The following PRKCB variants were observed in gnomAD, a reference collection of about 807,000 sequenced individuals.
PRKCB encodes protein kinase C beta type.
A neutral mutation model predicts 81.5 loss-of-function variants in PRKCB; 13 were observed. The ratio of observed to expected loss-of-function variants is 0.16; its 90% CI spans 0.10 to 0.25. PRKCB has a LOEUF of 0.25. Ranked by LOEUF, PRKCB falls within the 10% of genes least tolerant of loss-of-function variation. PRKCB has a pLI of 1.00. For synonymous variants in PRKCB, 335 were observed against 321.4 expected (o/e 1.04, Z -0.45); for missense variants, 509 against 875.7 (o/e 0.58, Z 5.29).
At chr16:24,063,514 C>T (rs1323052612) in intron 5 of PRKCB, among the ~76,000 whole-genome samples, 1 of 152,062 alleles carries the variant, frequency 6.6e-6, no homozygotes, top group Non-Finnish European at 1.5e-5. Context: ...AGGCTGGCCT[C>T]GAACTCCTGA....
intron 3 of PRKCB, among the ~76,000 whole-genome samples, chr16:23,998,169 G>A (rs945671625): frequency 2.0e-5 from 3 of 152,092 alleles, no homozygotes; most frequent in Non-Finnish European, 4.4e-5. Context: ...TTTGGGTGTT[G>A]GTGCTCCAGG....
rs111697023 is a variant in PRKCB at position 24,131,405 on chromosome 16, C to A, written c.1065+7424C>A. 7.1e-3 allele frequency among the ~76,000 whole-genome samples: 1,087 copies of A among 152,298 alleles called. 8 individuals are homozygous for A. Among genetic ancestry groups the A allele is most frequent in the African/African-American group, 0.024 (1,012 of 41,566 alleles). On this transcript the variant is annotated intron_variant, in intron 9 of 16. Coordinates refer to ENST00000643927, the MANE Select transcript of PRKCB (RefSeq NM_002738.7). Reference sequence around the variant, plus strand: ...GAGGCTGTGGAGGGTCTGGTGGTGGCCCCTTCCACTAGGGTACCCCTAGAA... The same window carrying A: ...GAGGCTGTGGAGGGTCTGGTGGTGGACCCTTCCACTAGGGTACCCCTAGAA...
At chr16:23,858,698 G>C (rs1962614852) in intron 2 of PRKCB, among the ~76,000 whole-genome samples, 1 of 152,190 alleles carries the variant, frequency 6.6e-6, no homozygotes, top group African/African-American at 2.4e-5. Context: ...TTACCAGGCT[G>C]GGAGGACAGG....
chr16:24,028,900 C>T (rs60662832), intron 3 of PRKCB, among the ~76,000 whole-genome samples: 21,009 of 152,072 alleles, frequency 0.14, 2,178 homozygotes, highest in South Asian at 0.37. Flanking sequence ...AAGTGATTCT[C>T]GTGCCTCACC....
intron 9 of PRKCB, among the ~76,000 whole-genome samples, chr16:24,140,341 A>AATGC (rs1201111925): frequency 6.6e-6 from 1 of 152,204 alleles, no homozygotes; most frequent in Non-Finnish European, 1.5e-5. Flanking sequence ...AACCATGGTG[A>AATGC]ATGCAGTGTA....
At chr16:24,077,185 C>T (rs1209518381) in intron 5 of PRKCB, among the ~76,000 whole-genome samples, 1 of 151,660 alleles carries the variant, frequency 6.6e-6, no homozygotes, top group East Asian at 1.9e-4. Context: ...TGCACATGCA[C>T]GTGTGTGTGT....
chr16:24,140,817 G>T (rs1216683038), intron 9 of PRKCB, among the ~76,000 whole-genome samples: 1 of 152,126 alleles, frequency 6.6e-6, no homozygotes, highest in Non-Finnish European at 1.5e-5. Flanking sequence ...CCGAATTCAG[G>T]CTCCTTTCAT....
intron 2 of PRKCB, among the ~76,000 whole-genome samples, chr16:23,916,916 T>G (rs1963749506): frequency 7.8e-6 from 1 of 127,482 alleles, no homozygotes; most frequent in Non-Finnish European, 1.6e-5. Context: ...CACACCACCA[T>G]GACTGGCTGA....
chr16:24,134,483 A>C (rs1477176683), intron 9 of PRKCB, among the ~76,000 whole-genome samples: 1 of 152,192 alleles, frequency 6.6e-6, no homozygotes, highest in South Asian at 2.1e-4. Flanking sequence ...GCAGTGGGTC[A>C]TACCTGTAAT....
chr16:24,010,445 T>A (rs1965187529), intron 3 of PRKCB, among the ~76,000 whole-genome samples: 1 of 152,200 alleles, frequency 6.6e-6, no homozygotes, highest in Non-Finnish European at 1.5e-5. Context: ...AGGTGGGGAC[T>A]GTCAGTGGAA....
chr16:24,087,006 T>A (rs1966317936), intron 5 of PRKCB, among the ~76,000 whole-genome samples: 1 of 152,222 alleles, frequency 6.6e-6, no homozygotes, highest in Admixed American at 6.5e-5. Flanking sequence ...TATATTTTGC[T>A]CCATTTGGTT....
At chr16:24,026,336 T>C (rs917981004) in intron 3 of PRKCB, among the ~76,000 whole-genome samples, 1 of 152,204 alleles carries the variant, frequency 6.6e-6, no homozygotes, top group Non-Finnish European at 1.5e-5. Context: ...CAGAAATGTG[T>C]TTCCTTTTCC....
intron 16 of PRKCB, among the ~76,000 whole-genome samples, chr16:24,213,001 C>CTTGT (rs760622915): frequency 7.4e-4 from 108 of 146,408 alleles, no homozygotes; most frequent in Middle Eastern, 3.5e-3. Context: ...TGCCACCGTA[C>CTTGT]TTGTATATTT....
chr16:23,837,363 C>T lies in PRKCB; in HGVS notation c.174-12C>T. On this transcript the variant is annotated splice_polypyrimidine_tract_variant and intron_variant, in intron 1 of 16. Coordinates refer to ENST00000643927, the MANE Select transcript of PRKCB (RefSeq NM_002738.7). The stretch of plus-strand genomic sequence containing the variant: ...CGGGCTGCCTGACATACACCTCCTT[C>T]TGCTTTTGCAGGGGCTTCGGGAAGC... The T allele has an allele frequency of 1.2e-6, 2 of 1,613,674 alleles. No homozygotes were observed. The highest frequency in any genetic ancestry group is 1.7e-6 in the Non-Finnish European group (2 of 1,179,866).
At chr16:23,883,912 C>G (rs1470756003) in intron 2 of PRKCB, among the ~76,000 whole-genome samples, 1 of 152,118 alleles carries the variant, frequency 6.6e-6, no homozygotes, top group Non-Finnish European at 1.5e-5. Context: ...TTAAAATGGT[C>G]AAAGGAAACA....
At chr16:24,041,633 G>C (rs888588263) in intron 5 of PRKCB, among the ~76,000 whole-genome samples, 1 of 151,878 alleles carries the variant, frequency 6.6e-6, no homozygotes. Flanking sequence ...GACAGCCTTA[G>C]GTACTCCCAA....
At chr16:23,959,620 C>T (rs570534418) in intron 2 of PRKCB, among the ~76,000 whole-genome samples, 9 of 152,102 alleles carry the variant, frequency 5.9e-5, no homozygotes, top group Admixed American at 2.0e-4. Context: ...AGAATATTAG[C>T]GATTATCTTT....
chr16:24,138,083 C>G (rs761542336), intron 9 of PRKCB, among the ~76,000 whole-genome samples: 1 of 152,200 alleles, frequency 6.6e-6, no homozygotes, highest in Non-Finnish European at 1.5e-5. Context: ...GACAGAGTCT[C>G]TATTTTGCAG....
At chr16:24,097,032 C>CTTTT (rs35055699) in intron 7 of PRKCB, among the ~76,000 whole-genome samples, 9 of 82,698 alleles carry the variant, frequency 1.1e-4, no homozygotes, top group Non-Finnish European at 1.6e-4. Context: ...CATCTTAGGC[C>CTTTT]TTTTTTTTTT....
Sources: allele counts gnomAD v4.1 joint callset (sites outside exome capture counted in the v4.1 genomes callset), GRCh38; gene constraint gnomAD v4.1.1; transcripts MANE v1.5; gene names NCBI Gene and HGNC (gene_info 2026-07-23, HGNC 2026-07-21).